GSG1L: variants seen among roughly 807,000 people sequenced by gnomAD.
The protein encoded by GSG1L is germ cell-specific gene 1-like protein.
A neutral mutation model predicts 42.1 loss-of-function variants in GSG1L; 24 were observed. The observed-to-expected ratio is 0.57, with a 90% CI of 0.41 to 0.80. GSG1L has a LOEUF of 0.80. Ranked by LOEUF, GSG1L falls within the 30% of genes least tolerant of loss-of-function variation. GSG1L has a pLI of 0.00. For missense variants in GSG1L, 445 were observed against 472.2 expected (o/e 0.94, Z 0.53); for synonymous variants, 215 against 203.5 (o/e 1.06, Z -0.48).
intron 1 of GSG1L, among the ~76,000 whole-genome samples, chr16:27,968,754 C>T (rs1005534471): frequency 1.3e-5 from 2 of 152,176 alleles, no homozygotes; most frequent in Non-Finnish European, 2.9e-5. Flanking sequence ...TAGGCATTTT[C>T]CCTTTTCTTT....
intron 1 of GSG1L, among the ~76,000 whole-genome samples, chr16:28,061,633 C>T (rs1246218355): frequency 1.3e-5 from 2 of 152,188 alleles, no homozygotes; most frequent in Non-Finnish European, 2.9e-5. Context: ...GGCTGGCCCT[C>T]ACAGAGTGAC....
intron 5 of GSG1L, among the ~76,000 whole-genome samples, chr16:27,823,180 C>A (rs116549852): frequency 2.4e-3 from 358 of 152,118 alleles, no homozygotes; most frequent in African/African-American, 8.0e-3. Context: ...AAGGAGGGGA[C>A]GACAGGCAGG....
intron 1 of GSG1L, among the ~76,000 whole-genome samples, chr16:28,057,568 G>A (rs910447738): frequency 3.3e-5 from 5 of 152,160 alleles, no homozygotes; most frequent in Non-Finnish European, 7.4e-5. Context: ...TCAAATGTTG[G>A]CAACTTATTC....
rs2082722045 is a variant in GSG1L, at chr16:27,789,041, G to A, written c.*2329C>T. Reference sequence around the variant, plus strand: ...GAATAGATGGATGCACAGCTGGATGGTTGAGTAATGAGGATGTGTGACACA... The same window carrying A: ...GAATAGATGGATGCACAGCTGGATGATTGAGTAATGAGGATGTGTGACACA... On this transcript the variant is annotated 3_prime_UTR_variant, in exon 7 of 7. Coordinates refer to ENST00000447459, the MANE Select transcript of GSG1L (RefSeq NM_001109763.2). 6.6e-6 allele frequency: 1 copy of A among 152,280 alleles called. No homozygotes were observed. Among genetic ancestry groups the A allele is most frequent in the Admixed American group, 6.5e-5 (1 of 15,286 alleles). The allele number at this position is 152,280 out of a possible 1,614,324, so 9.4% of individuals were successfully genotyped here.
At chr16:28,055,609 C>T (rs1431383010) in intron 1 of GSG1L, among the ~76,000 whole-genome samples, 1 of 152,058 alleles carries the variant, frequency 6.6e-6, no homozygotes, top group Non-Finnish European at 1.5e-5. Flanking sequence ...GTAGCTGGGA[C>T]TACAGCTGCC....
chr16:27,974,289 A>G (rs1483315762), intron 1 of GSG1L, among the ~76,000 whole-genome samples: 1 of 152,152 alleles, frequency 6.6e-6, no homozygotes, highest in East Asian at 1.9e-4. Flanking sequence ...GGAAAGCTGG[A>G]CTTTGGGGTC....
At chr16:27,795,750 G>A (rs1382528454) in intron 6 of GSG1L, among the ~76,000 whole-genome samples, 1 of 152,162 alleles carries the variant, frequency 6.6e-6, no homozygotes, top group Non-Finnish European at 1.5e-5. Flanking sequence ...GACCACAGGA[G>A]GTTCCCCAAA....
intron 2 of GSG1L, among the ~76,000 whole-genome samples, chr16:27,961,375 A>ATGCAAATCCCAGAGGAC (rs2085069522): frequency 6.6e-6 from 1 of 150,806 alleles, no homozygotes; most frequent in Non-Finnish European, 1.5e-5. Flanking sequence ...GAATTATGGG[A>ATGCAAATCCCAGAGGAC]TGCACATCCC....
chr16:27,946,571 AAGAAAGAAAGAGAGAGAGAGAGAG>A (rs769676859), intron 2 of GSG1L, among the ~76,000 whole-genome samples: 5,767 of 37,278 alleles, frequency 0.15, 362 homozygotes, highest in Middle Eastern at 0.26. Flanking sequence ...GAAAGAAAGA[AAGAAAGAAAGAGAGAGAGAGAGAG>A]AGAGAGAGAG....
intron 1 of GSG1L, among the ~76,000 whole-genome samples, chr16:28,038,921 A>T (rs889267688): frequency 6.6e-6 from 1 of 152,164 alleles, no homozygotes; most frequent in African/African-American, 2.4e-5. Flanking sequence ...CTCCCACTTA[A>T]GGCTCTATCA....
chr16:27,820,906 A>G (rs1309510582), intron 5 of GSG1L, among the ~76,000 whole-genome samples: 2 of 152,128 alleles, frequency 1.3e-5, no homozygotes, highest in African/African-American at 4.8e-5. Flanking sequence ...AATCACACCA[A>G]GTTGCTTAGA....
intron 5 of GSG1L, among the ~76,000 whole-genome samples, chr16:27,812,465 G>A (rs1286313942): frequency 6.6e-6 from 1 of 152,242 alleles, no homozygotes; most frequent in African/African-American, 2.4e-5. Context: ...TGCCGTGAAA[G>A]CAGACATAGA....
chr16:27,817,987 A>G (rs866569676), intron 5 of GSG1L, among the ~76,000 whole-genome samples: 30 of 152,154 alleles, frequency 2.0e-4, no homozygotes, highest in African/African-American at 7.2e-4. Flanking sequence ...CGGTGCTCCA[A>G]GATCACCCGA....
At chr16:27,982,405 T>C (rs1186156797) in intron 1 of GSG1L, among the ~76,000 whole-genome samples, 1 of 152,164 alleles carries the variant, frequency 6.6e-6, no homozygotes, top group African/African-American at 2.4e-5. Flanking sequence ...GTGGGTCACG[T>C]GACTAGTTCC....
At chr16:27,834,978 T>A (rs1226194245) in intron 4 of GSG1L, among the ~76,000 whole-genome samples, 1 of 152,166 alleles carries the variant, frequency 6.6e-6, no homozygotes, top group African/African-American at 2.4e-5. Flanking sequence ...TCTAGGTTCT[T>A]GGGATGAGAG....
intron 1 of GSG1L, among the ~76,000 whole-genome samples, chr16:28,011,288 C>T (rs150578414): frequency 4.9e-4 from 74 of 152,350 alleles, no homozygotes; most frequent in African/African-American, 1.5e-3. Flanking sequence ...CCCGAGAGAG[C>T]CTCCCAGCCC....
chr16:28,011,271 G>A (rs1051422839), intron 1 of GSG1L, among the ~76,000 whole-genome samples: 8 of 152,222 alleles, frequency 5.3e-5, no homozygotes, highest in African/African-American at 9.6e-5. Context: ...CATGACAGCC[G>A]CCACTGCCCG....
chr16:27,896,656 G>C (rs1329942261), intron 2 of GSG1L, among the ~76,000 whole-genome samples: 1 of 152,222 alleles, frequency 6.6e-6, no homozygotes, highest in Admixed American at 6.5e-5. Flanking sequence ...GGTTGGCCCA[G>C]TGTAATCACA....
intron 3 of GSG1L, among the ~76,000 whole-genome samples, chr16:27,863,636 A>G (rs2083681266): frequency 6.6e-6 from 1 of 152,248 alleles, no homozygotes; most frequent in South Asian, 2.1e-4. Context: ...CCAGAGGTAC[A>G]GCTGGGCTTG....
Sources: gnomAD v4.1 joint callset for allele counts (sites outside exome capture counted in the v4.1 genomes callset) on GRCh38, gnomAD v4.1.1 for gene constraint, MANE v1.5 for transcripts, NCBI Gene and HGNC (gene_info 2026-07-23, HGNC 2026-07-21) for gene names.